The following RASGEF1C variants were observed in gnomAD, a reference collection of about 807,000 sequenced individuals.
The protein encoded by RASGEF1C is ras-GEF domain-containing family member 1C.
In RASGEF1C, 27 loss-of-function variants were observed where a neutral mutation model predicts 58.1. That is an observed-to-expected ratio of 0.46 (90% CI 0.34 to 0.64). RASGEF1C has a LOEUF of 0.64. Ranked by LOEUF, RASGEF1C falls within the 30% of genes least tolerant of loss-of-function variation. The pLI is 0.01. For missense variants in RASGEF1C, 502 were observed against 605.1 expected (o/e 0.83, Z 1.79); for synonymous variants, 243 against 246.3 (o/e 0.99, Z 0.13).
In RASGEF1C at chr5:180,111,522, C is replaced by T; in HGVS notation, c.1238G>A (p.Cys413Tyr). 1 of 1,614,184 alleles carries T rather than the reference C, an allele frequency of 6.2e-7. No homozygotes were observed. The highest frequency in any genetic ancestry group is 8.5e-7 in the Non-Finnish European group (1 of 1,180,006). Residue 413 changes from cysteine to tyrosine, a missense_variant, in exon 12 of 14, where the codon TGT (cysteine) becomes TAT (tyrosine). Physicochemically the swap from Cys to Tyr is radical, Grantham distance 194. Coordinates refer to ENST00000361132, the MANE Select transcript of RASGEF1C (RefSeq NM_175062.4). ...GATGCTGGCGTCTTGCTCGAAGGGACACTCCACTTGTTTCCAGGTGATGAA... is the reference window on the plus strand; with the variant it reads ...GATGCTGGCGTCTTGCTCGAAGGGATACTCCACTTGTTTCCAGGTGATGAA... ...GEFITWKQVE[C>Y]PFEQDASITH...
At chr5:180,174,258 C>T (rs970072283) in intron 1 of RASGEF1C, among the ~76,000 whole-genome samples, 2 of 152,216 alleles carry the variant, frequency 1.3e-5, no homozygotes, top group South Asian at 2.1e-4. Flanking sequence ...TTAACAAATT[C>T]GTCATCGTCT....
intron 1 of RASGEF1C, among the ~76,000 whole-genome samples, chr5:180,205,555 G>A (rs976104077): frequency 1.3e-5 from 2 of 151,926 alleles, no homozygotes; most frequent in South Asian, 2.1e-4. Context: ...TTCCCCGCCC[G>A]AACAGCAGCA....
intron 4 of RASGEF1C, among the ~76,000 whole-genome samples, chr5:180,129,433 C>T (rs758298454): frequency 2.6e-5 from 4 of 152,130 alleles, no homozygotes; most frequent in Non-Finnish European, 5.9e-5. Context: ...GAGTGCCAGA[C>T]GACTCCCAAC....
At chr5:180,126,724 C>T (rs1766269278) in intron 6 of RASGEF1C, among the ~76,000 whole-genome samples, 1 of 152,212 alleles carries the variant, frequency 6.6e-6, no homozygotes, top group African/African-American at 2.4e-5. Context: ...ACAAGGCAAT[C>T]TGCCCCCAGT....
intron 10 of RASGEF1C, among the ~76,000 whole-genome samples, chr5:180,116,326 C>G (rs1416023127): frequency 6.6e-6 from 1 of 152,134 alleles, no homozygotes; most frequent in Non-Finnish European, 1.5e-5. Context: ...GCAGTTGCCG[C>G]CCACAGACAG....
At chr5:180,103,564 C>T (rs1178196746) in intron 12 of RASGEF1C, among the ~76,000 whole-genome samples, 1 of 152,168 alleles carries the variant, frequency 6.6e-6, no homozygotes. Flanking sequence ...TTGCTGAACT[C>T]CCTTATTAGT....
At chr5:180,187,026 T>G (rs1260436820) in intron 1 of RASGEF1C, among the ~76,000 whole-genome samples, 1 of 152,174 alleles carries the variant, frequency 6.6e-6, no homozygotes, top group African/African-American at 2.4e-5. Flanking sequence ...GGTCCCTAAA[T>G]AGCCAAAACA....
At chr5:180,184,583 T>A (rs1421333779) in intron 1 of RASGEF1C, among the ~76,000 whole-genome samples, 1 of 151,744 alleles carries the variant, frequency 6.6e-6, no homozygotes, top group East Asian at 1.9e-4. Flanking sequence ...TCTCAAAAAA[T>A]TAAATAAATA....
chr5:180,103,251 G>A (rs1246027417), intron 12 of RASGEF1C, among the ~76,000 whole-genome samples: 2 of 152,098 alleles, frequency 1.3e-5, no homozygotes, highest in Non-Finnish European at 2.9e-5. Context: ...CTAATGTTTT[G>A]TATTTTTAGT....
intron 1 of RASGEF1C, among the ~76,000 whole-genome samples, chr5:180,161,939 C>G (rs1226510497): frequency 6.6e-6 from 1 of 152,260 alleles, no homozygotes; most frequent in Non-Finnish European, 1.5e-5. Flanking sequence ...GGTCTCCATA[C>G]CCATGGCAGT....
chr5:180,173,286 C>T (rs1177833348), intron 1 of RASGEF1C, among the ~76,000 whole-genome samples: 5 of 152,210 alleles, frequency 3.3e-5, no homozygotes, highest in Non-Finnish European at 5.9e-5. Flanking sequence ...CAAGGGCTGC[C>T]CCTCGACCTG....
At chr5:180,112,198 G>A (rs1405223715) in intron 11 of RASGEF1C, among the ~76,000 whole-genome samples, 2 of 152,204 alleles carry the variant, frequency 1.3e-5, no homozygotes, top group Non-Finnish European at 2.9e-5. Context: ...TGCGGAGGAG[G>A]ATCCCAGTTC....
At chr5:180,153,305 T>C (rs1297334236) in intron 1 of RASGEF1C, among the ~76,000 whole-genome samples, 1 of 152,152 alleles carries the variant, frequency 6.6e-6, no homozygotes, top group African/African-American at 2.4e-5. Flanking sequence ...CCACCCTGGC[T>C]CCCACAGGCT....
intron 1 of RASGEF1C, among the ~76,000 whole-genome samples, chr5:180,184,596 T>A (rs1483723860): frequency 6.6e-6 from 1 of 151,776 alleles, no homozygotes; most frequent in East Asian, 1.9e-4. Context: ...AATAAATAAA[T>A]AAAATAACAT....
chr5:180,199,588 G>A (rs1044503627), intron 1 of RASGEF1C, among the ~76,000 whole-genome samples: 9 of 152,110 alleles, frequency 5.9e-5, no homozygotes, highest in Non-Finnish European at 8.8e-5. Flanking sequence ...GTGTGGGACC[G>A]GAAGGCCCTG....
At chr5:180,151,913 T>C (rs1766751270) in intron 1 of RASGEF1C, among the ~76,000 whole-genome samples, 1 of 151,888 alleles carries the variant, frequency 6.6e-6, no homozygotes, top group African/African-American at 2.4e-5. Flanking sequence ...GCGAAGGATA[T>C]GAACAGACAC....
chr5:180,158,367 T>C lies in RASGEF1C; in HGVS notation c.-6-20309A>G, dbSNP rs1766882652. ...TGGTCTTTCATTTTAATGGAGCACATACTCTAGTAGCTTTTTGAGAAGAGG... is the reference window on the plus strand; with the variant it reads ...TGGTCTTTCATTTTAATGGAGCACACACTCTAGTAGCTTTTTGAGAAGAGG... On this transcript the variant is annotated intron_variant, in intron 1 of 13. Transcript: ENST00000361132. This position sits in a 1 kb window ranked among gnomAD's most constrained non-coding sequence, Gnocchi z 4.0. Among the ~76,000 whole-genome samples, 1 of 152,214 alleles carries C rather than the reference T, an allele frequency of 6.6e-6. No individual in the cohort carries two copies. Among genetic ancestry groups the C allele is most frequent in the African/African-American group, 2.4e-5 (1 of 41,448 alleles).
At chr5:180,190,476 T>A (rs184088405) in intron 1 of RASGEF1C, among the ~76,000 whole-genome samples, 2 of 90,594 alleles carry the variant, frequency 2.2e-5, no homozygotes, top group African/African-American at 3.5e-5. Flanking sequence ...GGTGACAGAG[T>A]GAGACTCCGT....
intron 4 of RASGEF1C, among the ~76,000 whole-genome samples, chr5:180,130,054 A>G (rs1766338158): frequency 6.6e-6 from 1 of 152,190 alleles, no homozygotes; most frequent in Admixed American, 6.5e-5. Context: ...CTGCGCACCC[A>G]CTGTGTGCCC....
Sources: gnomAD v4.1 joint callset for allele counts (sites outside exome capture counted in the v4.1 genomes callset) on GRCh38, gnomAD v4.1.1 for gene constraint, Gnocchi (gnomAD v3.1) non-coding constraint, MANE v1.5 for transcripts, NCBI Gene and HGNC (gene_info 2026-07-23, HGNC 2026-07-21) for gene names.